The following SNTG1 variants were observed in gnomAD, a reference collection of about 807,000 sequenced individuals.
SNTG1 encodes the protein syntrophin gamma 1.
Under a neutral mutation model 74.7 loss-of-function variants are expected in SNTG1, and 39 were observed. That is an observed-to-expected ratio of 0.52 (90% CI 0.40 to 0.68). The LOEUF (loss-of-function observed/expected upper bound fraction) is 0.68, where lower values mean the gene tolerates loss of function less well. Among genes scored for constraint, SNTG1 ranks in the 30% least tolerant of loss-of-function variants. The pLI is 0.00. For synonymous variants in SNTG1, 254 were observed against 217.1 expected, an observed-to-expected ratio of 1.17 and a Z score of -1.49; for missense variants, 685 against 609.5, an observed-to-expected ratio of 1.12 and a Z score of -1.30.
intron 17 of SNTG1, among the ~76,000 whole-genome samples, chr8:50,717,474 C>T (rs1192446009): frequency 2.0e-5 from 3 of 152,278 alleles, no homozygotes; most frequent in African/African-American, 7.2e-5. Flanking sequence ...AATGAGATAG[C>T]ATGTTAAAAA....
chr8:50,469,999 C>T (rs564416759), intron 8 of SNTG1, among the ~76,000 whole-genome samples: 6 of 152,128 alleles, frequency 3.9e-5, no homozygotes, highest in Admixed American at 6.5e-5. Context: ...AAACAGTTCT[C>T]CTTATCACAG....
At chr8:50,705,682 A>G (rs1467072718) in intron 16 of SNTG1, among the ~76,000 whole-genome samples, 1 of 152,172 alleles carries the variant, frequency 6.6e-6, no homozygotes, top group East Asian at 1.9e-4. Flanking sequence ...GTGCCAACCA[A>G]AGTCCAGTGC....
intron 18 of SNTG1, among the ~76,000 whole-genome samples, chr8:50,787,333 A>G (rs2131856047): frequency 6.6e-6 from 1 of 152,026 alleles, no homozygotes; most frequent in African/African-American, 2.4e-5. Context: ...TAAAAAAAGA[A>G]ACTAGACAAT....
At chr8:50,285,684 T>C (rs1004931570) in intron 2 of SNTG1, among the ~76,000 whole-genome samples, 1 of 151,844 alleles carries the variant, frequency 6.6e-6, no homozygotes, top group Non-Finnish European at 1.5e-5. Flanking sequence ...AGTTCATCAA[T>C]AAAAATGGCG....
intron 9 of SNTG1, among the ~76,000 whole-genome samples, chr8:50,515,965 T>G (rs2094130281): frequency 6.6e-6 from 1 of 152,116 alleles, no homozygotes; most frequent in African/African-American, 2.4e-5. Flanking sequence ...GATTCCCTCC[T>G]CAAGTGGGTC....
chr8:50,248,826 T>C (rs115571351), intron 2 of SNTG1, among the ~76,000 whole-genome samples: 1,683 of 152,346 alleles, frequency 0.011, 34 homozygotes, highest in African/African-American at 0.038. Context: ...ACTTACCATA[T>C]GCCAGGTATG....
At chr8:50,285,354 T>C (rs1184875812) in intron 2 of SNTG1, among the ~76,000 whole-genome samples, 1 of 152,136 alleles carries the variant, frequency 6.6e-6, no homozygotes, top group Non-Finnish European at 1.5e-5. Flanking sequence ...AGCAAGTATA[T>C]GGTGTTTTGT....
At chr8:50,780,332 C>T (rs866371608) in intron 18 of SNTG1, among the ~76,000 whole-genome samples, 12 of 152,122 alleles carry the variant, frequency 7.9e-5, no homozygotes, top group African/African-American at 2.4e-4. Flanking sequence ...CCCTCTGGTC[C>T]TGGACTCTTT....
chr8:50,398,867 T>C (rs1025546613), intron 3 of SNTG1, among the ~76,000 whole-genome samples: 16 of 152,042 alleles, frequency 1.1e-4, no homozygotes, highest in African/African-American at 2.4e-4. Flanking sequence ...GAGGCAGAGA[T>C]TGTAGTGAGC....
chr8:50,416,085 G>C (rs1403453673), intron 4 of SNTG1, among the ~76,000 whole-genome samples: 1 of 152,170 alleles, frequency 6.6e-6, no homozygotes, highest in East Asian at 1.9e-4. Flanking sequence ...ATTTTAGATT[G>C]TATCTTTTCT....
At chr8:50,402,099 C>T (rs79190000) in intron 3 of SNTG1, 111 bp from the exon 4 acceptor site, 67,406 of 1,112,360 alleles carry the variant, frequency 0.061, 2,303 homozygotes, top group Non-Finnish European at 0.067. Context: ...AGTGTGTTTT[C>T]ACCACCTCTT....
At chr8:50,041,730 G>A (rs1818659417) in intron 1 of SNTG1, among the ~76,000 whole-genome samples, 1 of 152,176 alleles carries the variant, frequency 6.6e-6, no homozygotes, top group Non-Finnish European at 1.5e-5. Flanking sequence ...ATGCCTCTCT[G>A]TTGTGGAACT....
In SNTG1 at chr8:50,121,392, C is replaced by T. The variant is rs1231428022; in HGVS notation, c.-102-51169C>T. On this transcript the variant is annotated intron_variant, in intron 1 of 18. Transcript: ENST00000642720. ...AGTTCTATGTGCACTGCTCAGAAACCCTGTACATTCTGGAATGTTTAACCT... is the reference window on the plus strand; with the variant it reads ...AGTTCTATGTGCACTGCTCAGAAACTCTGTACATTCTGGAATGTTTAACCT... 2.8e-5 allele frequency among the ~76,000 whole-genome samples: 4 copies of T among 141,708 alleles called. 2 individuals are homozygous for T. The highest frequency in any genetic ancestry group is 3.1e-5 in the Non-Finnish European group (2 of 63,696). 93.0% of individuals were successfully genotyped at this position (141,708 alleles called of 152,430 possible).
chr8:50,360,235 T>G (rs2091921375), intron 2 of SNTG1, among the ~76,000 whole-genome samples: 2 of 152,124 alleles, frequency 1.3e-5, no homozygotes. Flanking sequence ...GTGAATTACA[T>G]GTACAAATGG....
intron 1 of SNTG1, among the ~76,000 whole-genome samples, chr8:50,103,637 C>T (rs1329834808): frequency 1.3e-5 from 2 of 152,122 alleles, no homozygotes; most frequent in African/African-American, 4.8e-5. Flanking sequence ...CTGTCTTGTG[C>T]CAGTTTTCAA....
intron 4 of SNTG1, among the ~76,000 whole-genome samples, chr8:50,429,648 A>G (rs1470276837): frequency 6.6e-6 from 1 of 152,170 alleles, no homozygotes; most frequent in African/African-American, 2.4e-5. Flanking sequence ...GCACATCATA[A>G]AAATTTAAAA....
intron 1 of SNTG1, among the ~76,000 whole-genome samples, chr8:50,087,249 G>C (rs997821237): frequency 2.6e-5 from 4 of 152,174 alleles, no homozygotes; most frequent in Non-Finnish European, 5.9e-5. Flanking sequence ...AGGTCTCTCA[G>C]TTGTAATGTC....
chr8:50,281,142 T>G (rs2088428218), intron 2 of SNTG1, among the ~76,000 whole-genome samples: 1 of 152,148 alleles, frequency 6.6e-6, no homozygotes, highest in South Asian at 2.1e-4. Context: ...GGGTAAAACC[T>G]CCTACATGTT....
chr8:49,937,335 A>G (rs1459807342), intron 1 of SNTG1, among the ~76,000 whole-genome samples: 3 of 152,204 alleles, frequency 2.0e-5, no homozygotes, highest in Non-Finnish European at 4.4e-5. Context: ...CGTCAGGAGA[A>G]AGGGATGACA....
Sources: allele counts gnomAD v4.1 joint callset (sites outside exome capture counted in the v4.1 genomes callset), GRCh38; gene constraint gnomAD v4.1.1; transcripts MANE v1.5; gene names NCBI Gene and HGNC (gene_info 2026-07-23, HGNC 2026-07-21).